The following ADAM2 variants were observed in gnomAD, a reference collection of about 807,000 sequenced individuals.
ADAM2 encodes ADAM metallopeptidase domain 2, also known as disintegrin and metalloproteinase domain-containing protein 2.
A neutral mutation model predicts 99.3 loss-of-function variants in ADAM2; 101 were observed. The observed-to-expected ratio is 1.02, with a 90% CI of 0.87 to 1.20. The LOEUF (loss-of-function observed/expected upper bound fraction) is 1.20. Ranked by LOEUF, ADAM2 falls within the 50% of genes most tolerant of loss-of-function variation. The pLI, the probability that ADAM2 is intolerant of heterozygous loss-of-function variation, is 0.00. For synonymous variants in ADAM2, 323 were observed against 287.6 expected (o/e 1.12, Z -1.25); for missense variants, 948 against 878.7 (o/e 1.08, Z -1.00).
chr8:39,793,568 T>G (rs1803808067), intron 7 of ADAM2, among the ~76,000 whole-genome samples: 5 of 152,022 alleles, frequency 3.3e-5, no homozygotes, highest in Admixed American at 3.3e-4. Flanking sequence ...AGATCAAGAC[T>G]GAAAAAAGGA....
chr8:39,820,125 T>A (rs1351228996), intron 6 of ADAM2, among the ~76,000 whole-genome samples: 5 of 152,164 alleles, frequency 3.3e-5, no homozygotes, highest in Non-Finnish European at 7.4e-5. Context: ...ACCATGTATA[T>A]GATACTTTTG....
chr8:39,770,827 T>G (rs1308854644), intron 11 of ADAM2, among the ~76,000 whole-genome samples: 1 of 152,170 alleles, frequency 6.6e-6, no homozygotes, highest in Non-Finnish European at 1.5e-5. Flanking sequence ...CATGAAATTT[T>G]GTCAAATCTG....
intron 14 of ADAM2, among the ~76,000 whole-genome samples, chr8:39,761,800 G>A (rs1301496790): frequency 6.6e-6 from 1 of 152,126 alleles, no homozygotes; most frequent in African/African-American, 2.4e-5. Context: ...CAACCTACAT[G>A]GCCGGGCGCG....
chr8:39,772,541 C>T (rs1802824910), intron 11 of ADAM2, among the ~76,000 whole-genome samples: 1 of 151,972 alleles, frequency 6.6e-6, no homozygotes, highest in African/African-American at 2.4e-5. Flanking sequence ...TGAAACATCA[C>T]ACAATTAAAA....
intron 14 of ADAM2, among the ~76,000 whole-genome samples, chr8:39,762,991 G>A (rs560746154): frequency 3.9e-5 from 6 of 152,254 alleles, no homozygotes; most frequent in Non-Finnish European, 8.8e-5. Flanking sequence ...TTTAACTTGG[G>A]CATATTCTCA....
At chr8:39,795,652 G>A (rs112887638) in intron 7 of ADAM2, among the ~76,000 whole-genome samples, 27 of 152,122 alleles carry the variant, frequency 1.8e-4, no homozygotes, top group African/African-American at 6.3e-4. Context: ...ATCCATAAAA[G>A]CAAGCTGTAC....
chr8:39,816,517 C>A (rs2129587677), intron 6 of ADAM2, among the ~76,000 whole-genome samples: 1 of 152,152 alleles, frequency 6.6e-6, no homozygotes, highest in African/African-American at 2.4e-5. Context: ...ATGTTCCTAG[C>A]AATATTATAA....
chr8:39,785,291 G>A (rs1447226823), intron 10 of ADAM2, among the ~76,000 whole-genome samples: 1 of 152,126 alleles, frequency 6.6e-6, no homozygotes, highest in Non-Finnish European at 1.5e-5. Context: ...AATCATTAGA[G>A]AAATGCAAAT....
intron 10 of ADAM2, among the ~76,000 whole-genome samples, chr8:39,777,656 T>C (rs1803048203): frequency 6.6e-6 from 1 of 151,976 alleles, no homozygotes; most frequent in Non-Finnish European, 1.5e-5. Flanking sequence ...ACACTTACTG[T>C]ATATGTTGAA....
At chr8:39,776,840 G>C (rs1166084596) in intron 11 of ADAM2, among the ~76,000 whole-genome samples, 185 bp downstream of exon 11, 1 of 152,092 alleles carries the variant, frequency 6.6e-6, no homozygotes, top group Non-Finnish European at 1.5e-5. Context: ...AAGCCAGTGT[G>C]ACATTTGATT....
At chr8:39,782,260 T>C (rs545774607) in intron 10 of ADAM2, among the ~76,000 whole-genome samples, 100 of 152,158 alleles carry the variant, frequency 6.6e-4, no homozygotes, top group Non-Finnish European at 1.3e-3. Context: ...TCTGTATCTA[T>C]TTTTTAATAA....
chr8:39,781,443 A>C (rs1803228715), intron 10 of ADAM2, among the ~76,000 whole-genome samples: 1 of 152,170 alleles, frequency 6.6e-6, no homozygotes, highest in Non-Finnish European at 1.5e-5. Flanking sequence ...ACAATGGCTT[A>C]TCTTTACTTG....
chr8:39,799,052 T>C (rs1300067675), intron 7 of ADAM2, among the ~76,000 whole-genome samples: 1 of 152,196 alleles, frequency 6.6e-6, no homozygotes, highest in Non-Finnish European at 1.5e-5. Context: ...AATTCTTCTC[T>C]GATCTTAGTT....
At chr8:39,773,005 T>A (rs1475695773) in intron 11 of ADAM2, among the ~76,000 whole-genome samples, 1 of 151,726 alleles carries the variant, frequency 6.6e-6, no homozygotes, top group African/African-American at 2.4e-5. Flanking sequence ...AGGAATCAAT[T>A]TGAAAAAATG....
rs751356213 is a variant in ADAM2, at chr8:39,821,604, C to T, written c.326G>A (p.Ser109Asn). ...TTACAACCTGAGTCCAGTACATGTG[C>T]TAACCATCACCACAGATTTTGGATA... is the stretch of plus-strand genomic sequence containing the variant. ...EGYPKSVVMV[S>N]TCTGLRGVLQ... The change falls in exon 5 of 21, where the codon AGC becomes AAC. Residue 109 changes from serine (S) to asparagine (N), a missense_variant. Physicochemically the swap from Ser to Asn is conservative, Grantham distance 46. Coordinates refer to ENST00000265708, the MANE Select transcript of ADAM2 (RefSeq NM_001464.5). The T allele has an allele frequency of 6.2e-7, 1 of 1,605,602 alleles. No individual in the cohort carries two copies. Among genetic ancestry groups the T allele is most frequent in the East Asian group, 2.2e-5 (1 of 44,758 alleles).
chr8:39,823,841 A>G (rs1805293779), intron 4 of ADAM2, among the ~76,000 whole-genome samples: 1 of 152,158 alleles, frequency 6.6e-6, no homozygotes, highest in South Asian at 2.1e-4. Flanking sequence ...TAAAGCAACT[A>G]ACCATATCTA....
intron 18 of ADAM2, among the ~76,000 whole-genome samples, chr8:39,747,116 G>A (rs1823502804): frequency 6.6e-6 from 1 of 152,136 alleles, no homozygotes; most frequent in African/African-American, 2.4e-5. Context: ...TAAACCCACA[G>A]ATTAAGAAGT....
rs1391623471 is a variant in ADAM2 at position 39,809,413 on chromosome 8, T to C, written c.567A>G (p.Gln189=). The change falls in exon 7 of 21, where the codon CAA becomes CAG. Residue 189 remains glutamine, a synonymous_variant. Coordinates refer to ENST00000265708, the MANE Select transcript of ADAM2 (RefSeq NM_001464.5). ...YIEMHVIVEK[Q]LYNHMGSDTT... ...AAATAAATCAGAATATACTTACCAATTGTTTTTCAACTATAACATGCATTT... is the reference window on the plus strand; with the variant it reads ...AAATAAATCAGAATATACTTACCAACTGTTTTTCAACTATAACATGCATTT... 2.4e-6 allele frequency: 3 copies of C among 1,249,428 alleles called. No individual in the cohort carries two copies. The highest frequency in any genetic ancestry group is 3.5e-6 in the Non-Finnish European group (3 of 862,810). The allele number at this position is 1,249,428 out of a possible 1,614,324, so 77.4% of individuals were successfully genotyped here. A position where few individuals can be genotyped will look rare whatever the true frequency, so the allele number is the denominator to read the frequency against.
At chr8:39,769,345 AATTTTTGCTGCAATT>A in intron 12 of ADAM2, 32 bp downstream of exon 12, 1 of 1,446,914 alleles carries the variant, frequency 6.9e-7, no homozygotes, top group Non-Finnish European at 9.5e-7. Context: ...ATTAATAAGT[AATTTTTGCTGCAATT>A]TCAGTGCGTA....
Sources: gnomAD v4.1 joint callset for allele counts (sites outside exome capture counted in the v4.1 genomes callset) on GRCh38, gnomAD v4.1.1 for gene constraint, MANE v1.5 for transcripts, NCBI Gene and HGNC (gene_info 2026-07-23, HGNC 2026-07-21) for gene names.